Variants in RCAN1 observed in about 807,000 individuals in gnomAD.
RCAN1 encodes the protein regulator of calcineurin 1, also known as calcipressin-1.
In RCAN1, 11 loss-of-function variants were observed where a neutral mutation model predicts 22.9. The observed-to-expected ratio is 0.48, with a 90% CI of 0.30 to 0.79. The LOEUF (loss-of-function observed/expected upper bound fraction) is 0.79, where lower values mean the gene tolerates loss of function less well. Among genes scored for constraint, RCAN1 ranks in the 30% least tolerant of loss-of-function variants. The probability of loss-of-function intolerance (pLI) is 0.06; values close to 1 mark genes in which losing one functional copy is unlikely to be tolerated. For missense variants in RCAN1, 291 were observed against 337.8 expected, an observed-to-expected ratio of 0.86 and a Z score of 1.09; for synonymous variants, 136 against 142.3, an observed-to-expected ratio of 0.96 and a Z score of 0.32.
chr21:34,523,617 G>T lies in RCAN1; in HGVS notation c.346C>A (p.Pro116Thr). 1 of 1,614,044 alleles carries T rather than the reference G, an allele frequency of 6.2e-7. No individual in the cohort carries two copies. The highest frequency in any genetic ancestry group is 8.5e-7 in the Non-Finnish European group (1 of 1,180,004). The change falls in exon 2 of 4, where the codon CCC (proline) becomes ACC (threonine). Residue 116 changes from proline to threonine, a missense_variant. Transcript: ENST00000313806. Reference sequence around the variant, plus strand: ...AGCCTGGCATCTGCTGCGGAGAAGGGGTTGCTGAAGTTTATTCTGACTCGT... The same window carrying T: ...AGCCTGGCATCTGCTGCGGAGAAGGTGTTGCTGAAGTTTATTCTGACTCGT... ...FKRVRINFSN[P>T]FSAADARLQL...
At chr21:34,528,887 T>G (rs1985222583) in intron 1 of RCAN1, among the ~76,000 whole-genome samples, 1 of 151,658 alleles carries the variant, frequency 6.6e-6, no homozygotes, top group Non-Finnish European at 1.5e-5. Context: ...ATCTCAAACA[T>G]CTCTGTTCAT....
chr21:34,588,390 G>A (rs567838215), intron 1 of RCAN1, among the ~76,000 whole-genome samples: 1 of 152,170 alleles, frequency 6.6e-6, no homozygotes, highest in African/African-American at 2.4e-5. Flanking sequence ...TGATATGGGT[G>A]TGTTTATTTT....
chr21:34,521,274 A>G lies in RCAN1; in HGVS notation c.586+225T>C, dbSNP rs1435965714. ...TGCGGGGGGTGGAGGGGCGTGATGC[A>G]GGGTCCCCACGATCAGCCGCAGTCT... On this transcript the variant is annotated intron_variant, in intron 3 of 3. Coordinates refer to ENST00000313806, the MANE Select transcript of RCAN1 (RefSeq NM_004414.7). 2.1e-6 allele frequency: 3 copies of G among 1,442,698 alleles called. No homozygotes were observed. In the African/African-American group the frequency reaches 4.3e-5, roughly 21 times the overall value. 89.4% of individuals were successfully genotyped at this position (1,442,698 alleles called of 1,614,324 possible). A position where few individuals can be genotyped will look rare whatever the true frequency, so the allele number is the denominator to read the frequency against.
intron 1 of RCAN1, among the ~76,000 whole-genome samples, chr21:34,563,770 AAT>A (rs1199194939): frequency 1.2e-3 from 79 of 65,412 alleles, no homozygotes; most frequent in African/African-American, 1.6e-3. Flanking sequence ...AAAAAAAAAA[AAT>A]ATATATATAT....
intron 1 of RCAN1, among the ~76,000 whole-genome samples, chr21:34,577,484 A>C (rs1307600399): frequency 6.6e-6 from 1 of 152,160 alleles, no homozygotes; most frequent in African/African-American, 2.4e-5. Flanking sequence ...CTGTAGTCCC[A>C]GCTACTTGGG....
At chr21:34,561,424 G>C (rs1986785712) in intron 1 of RCAN1, among the ~76,000 whole-genome samples, 1 of 152,134 alleles carries the variant, frequency 6.6e-6, no homozygotes, top group South Asian at 2.1e-4. Context: ...AAGTGTATTT[G>C]TAAGCTATGG....
intron 1 of RCAN1, among the ~76,000 whole-genome samples, chr21:34,565,546 G>A (rs933600524): frequency 6.6e-5 from 10 of 152,176 alleles, no homozygotes; most frequent in African/African-American, 2.4e-4. Flanking sequence ...GTATTACACA[G>A]GAGTACAGCC....
intron 1 of RCAN1, among the ~76,000 whole-genome samples, chr21:34,557,161 C>T (rs1324853703): frequency 3.3e-5 from 5 of 151,924 alleles, no homozygotes; most frequent in African/African-American, 9.7e-5. Flanking sequence ...TGCAGTGAGC[C>T]GAGATCACGC....
intron 1 of RCAN1, among the ~76,000 whole-genome samples, chr21:34,549,522 T>C (rs1175915602): frequency 6.6e-6 from 1 of 152,096 alleles, no homozygotes; most frequent in Non-Finnish European, 1.5e-5. Flanking sequence ...GAGGGAAACT[T>C]AGAAAAGTAG....
chr21:34,550,115 C>A (rs76892983), intron 1 of RCAN1, among the ~76,000 whole-genome samples: 3,027 of 152,274 alleles, frequency 0.02, 81 homozygotes, highest in South Asian at 0.068. Context: ...TCTCACAGAG[C>A]AAAACCACCT....
At chr21:34,567,338 T>C (rs1987058604) in intron 1 of RCAN1, among the ~76,000 whole-genome samples, 1 of 151,814 alleles carries the variant, frequency 6.6e-6, no homozygotes, top group Non-Finnish European at 1.5e-5. Context: ...CTATTAAAAA[T>C]ACAAAAAATT....
chr21:34,577,013 A>AAT lies in RCAN1; in HGVS notation c.252+37746_252+37747insAT, dbSNP rs147703976. On this transcript the variant is annotated intron_variant, in intron 1 of 3. Coordinates refer to ENST00000313806, the MANE Select transcript of RCAN1 (RefSeq NM_004414.7). ...CACCCTCTACTGAGAAAAGGCCATC[A>AAT]GAAGGCCGGCAGGGGTCAGCTCCAT... Among the ~76,000 whole-genome samples, 1,284 of 152,356 alleles carry AAT rather than the reference A, an allele frequency of 8.4e-3. 20 individuals are homozygous for AAT. Among genetic ancestry groups the AAT allele is most frequent in the African/African-American group, 0.03 (1,229 of 41,588 alleles).
rs376304072 is a variant in RCAN1 at position 34,525,771 on chromosome 21, A to G, written c.253-2061T>C. Among the ~76,000 whole-genome samples the G allele has an allele frequency of 3.9e-5, 6 of 152,380 alleles. No individual in the cohort carries two copies. In the East Asian group the frequency reaches 5.8e-4, roughly 15 times the overall value. On this transcript the variant is annotated intron_variant, in intron 1 of 3. Coordinates refer to ENST00000313806, the MANE Select transcript of RCAN1 (RefSeq NM_004414.7). ...CATTTAAAAAATAGTGATTTTACTCACATAAGGCTCATGTTAAGTGAACTC... is the reference window on the plus strand; with the variant it reads ...CATTTAAAAAATAGTGATTTTACTCGCATAAGGCTCATGTTAAGTGAACTC...
chr21:34,602,976 T>A (rs968032685), intron 1 of RCAN1, among the ~76,000 whole-genome samples: 1 of 152,090 alleles, frequency 6.6e-6, no homozygotes, highest in Non-Finnish European at 1.5e-5. Flanking sequence ...GCGGGCAGCA[T>A]CTCCCAGCAG....
At chr21:34,585,033 T>C (rs1987741482) in intron 1 of RCAN1, among the ~76,000 whole-genome samples, 1 of 152,210 alleles carries the variant, frequency 6.6e-6, no homozygotes. Context: ...TTATGAAAAA[T>C]AATTTATAAA....
At chr21:34,523,510 G>C in intron 2 of RCAN1, 27 bp downstream of exon 2, 1 of 1,608,122 alleles carries the variant, frequency 6.2e-7, no homozygotes, top group Middle Eastern at 1.7e-4. Context: ...GGAGGGAGAA[G>C]CATGCATAGC....
intron 1 of RCAN1, among the ~76,000 whole-genome samples, chr21:34,578,473 T>C (rs1987488728): frequency 6.6e-6 from 1 of 152,064 alleles, no homozygotes; most frequent in South Asian, 2.1e-4. Flanking sequence ...TCTTATCATC[T>C]CTCCACTGGG....
intron 1 of RCAN1, among the ~76,000 whole-genome samples, chr21:34,597,819 C>T (rs1432343529): frequency 2.0e-5 from 3 of 152,146 alleles, no homozygotes; most frequent in Non-Finnish European, 4.4e-5. Flanking sequence ...TAGTCAAAGG[C>T]TTTAGCACAG....
chr21:34,528,359 G>A (rs1040537508), intron 1 of RCAN1, among the ~76,000 whole-genome samples: 1 of 152,238 alleles, frequency 6.6e-6, no homozygotes, highest in Non-Finnish European at 1.5e-5. Context: ...GTAGAGTTAT[G>A]TAAGAAACCA....
Sources: allele counts gnomAD v4.1 joint callset (sites outside exome capture counted in the v4.1 genomes callset), GRCh38; gene constraint gnomAD v4.1.1; transcripts MANE v1.5; gene names NCBI Gene and HGNC (gene_info 2026-07-23, HGNC 2026-07-21).